The following ADCY10 variants were observed in gnomAD, a reference collection of about 807,000 sequenced individuals.
The protein encoded by ADCY10 is adenylate cyclase 10.
In ADCY10, 156 loss-of-function variants were observed where a neutral mutation model predicts 183.3. The observed-to-expected ratio is 0.85, with a 90% confidence interval of 0.75 to 0.97. The LOEUF is 0.97. ADCY10 is among the 50% of genes least tolerant of loss of function. The probability of loss-of-function intolerance (pLI) is 0.00; values close to 1 mark genes in which losing one functional copy is unlikely to be tolerated. For synonymous variants in ADCY10, 645 were observed against 670.0 expected, an observed-to-expected ratio of 0.96 and a Z score of 0.58; for missense variants, 1,745 against 1,934.3, an observed-to-expected ratio of 0.90 and a Z score of 1.84.
At position 167,833,254 on chromosome 1, in the gene ADCY10, T is replaced by A; in HGVS notation, c.3418-92A>T. ...CCAACAATCCATATTTTGGGGATTC[T>A]TATCAAAAAAGGTAATTTATGGACC... is the stretch of plus-strand genomic sequence containing the variant. On this transcript the variant is annotated intron_variant, in intron 24 of 32. Coordinates refer to ENST00000367851, the MANE Select transcript of ADCY10 (RefSeq NM_018417.6). 1.1e-5 allele frequency: 14 copies of A among 1,272,020 alleles called. No individual in the cohort carries two copies. The South Asian group carries it at 1.7e-4, about 16-fold the overall frequency. The allele number at this position is 1,272,020 out of a possible 1,614,324, so 78.8% of individuals were successfully genotyped here. A position where few individuals can be genotyped will look rare whatever the true frequency, so the allele number is the denominator to read the frequency against.
intron 8 of ADCY10, among the ~76,000 whole-genome samples, chr1:167,886,515 A>T (rs1336646627): frequency 4.6e-5 from 7 of 152,212 alleles, no homozygotes; most frequent in African/African-American, 1.7e-4. Flanking sequence ...CTGAAACTGG[A>T]TCCCTTCCTT....
In ADCY10 at chr1:167,818,224, TG is replaced by T; in HGVS notation, c.4329del (p.Asn1444IlefsTer12). 6.2e-7 allele frequency: 1 copy of T among 1,614,200 alleles called. No homozygotes were observed. The highest frequency in any genetic ancestry group is 8.5e-7 in the Non-Finnish European group (1 of 1,180,030). ...LQEWDNFYKF[S>X]NRAKNLLPRR... is the part of the protein sequence containing the mutation. ...CTTGGCAAAAGATTTTTAGCTCTATTGGAAAATTTGTAAAAGTTGTCCCATT... is the reference window on the plus strand; with the variant it reads ...CTTGGCAAAAGATTTTTAGCTCTATTGAAAATTTGTAAAAGTTGTCCCATT... On this transcript the variant is annotated frameshift_variant, in exon 31 of 33. Transcript: ENST00000367851. LOFTEE classifies it high-confidence loss of function.
At chr1:167,832,954 A>G (rs748308557) in intron 25 of ADCY10, 33 bp downstream of exon 25, 15 of 1,607,760 alleles carry the variant, frequency 9.3e-6, no homozygotes, top group African/African-American at 2.7e-5. Context: ...GAGTGAGACT[A>G]AACAGTCTGC....
chr1:167,899,737 C>A, intron 5 of ADCY10, 109 bp from the exon 6 acceptor site: 1 of 993,948 alleles, frequency 1.0e-6, no homozygotes, highest in Non-Finnish European at 1.5e-6. Flanking sequence ...TATCTCAGAG[C>A]AAAATCTCAC....
intron 12 of ADCY10, among the ~76,000 whole-genome samples, chr1:167,876,197 C>T (rs770330837): frequency 4.7e-5 from 7 of 148,398 alleles, no homozygotes; most frequent in Non-Finnish European, 7.4e-5. Flanking sequence ...ACAGAGGTTG[C>T]AGTGAGCCAA....
chr1:167,831,562 T>A (rs943358848), intron 25 of ADCY10, among the ~76,000 whole-genome samples: 3 of 152,212 alleles, frequency 2.0e-5, no homozygotes, highest in Non-Finnish European at 2.9e-5. Flanking sequence ...TTGTTCCATG[T>A]CATACTCATT....
intron 14 of ADCY10, among the ~76,000 whole-genome samples, chr1:167,864,223 G>A (rs1398957939): frequency 6.6e-6 from 1 of 152,188 alleles, no homozygotes; most frequent in Non-Finnish European, 1.5e-5. Flanking sequence ...TGCATGTGGT[G>A]TGAGAGTGGT....
chr1:167,878,568 G>T lies in ADCY10; in HGVS notation c.1284C>A (p.Asp428Glu). The T allele has an allele frequency of 1.2e-6, 2 of 1,614,170 alleles. No individual in the cohort carries two copies. The highest frequency in any genetic ancestry group is 8.5e-7 in the Non-Finnish European group (1 of 1,180,032). ...GGTTGCTCCCATTGTAGGTGACAGA[G>T]TCGCAGGTCACAATTCCTGGGTAGT... ...MMYYPGIVTCDSVTYNGSNLP... is the reference protein window; with the variant it reads ...MMYYPGIVTCESVTYNGSNLP... Residue 428 changes from aspartate to glutamate, a missense_variant, in exon 12 of 33, where the codon GAC (aspartate) becomes GAA (glutamate). Asp to Glu is a conservative substitution (Grantham distance 45). Coordinates refer to ENST00000367851, the MANE Select transcript of ADCY10 (RefSeq NM_018417.6).
intron 22 of ADCY10, 121 bp from the exon 23 acceptor site, chr1:167,836,661 T>A: frequency 2.8e-6 from 2 of 708,274 alleles, no homozygotes; most frequent in Non-Finnish European, 4.9e-6. Context: ...AGGCCGAAGC[T>A]GGTGGATCAT....
chr1:167,882,510 G>C lies in ADCY10; in HGVS notation c.1020+927C>G, dbSNP rs1667939879. On this transcript the variant is annotated intron_variant, in intron 9 of 32. Coordinates refer to ENST00000367851, the MANE Select transcript of ADCY10 (RefSeq NM_018417.6). ...AAAAAAAAAAAAAAAAAAAAGAACA[G>C]AGCGAAAACACCTGGGAGCCAGAGG... Among the ~76,000 whole-genome samples the C allele has an allele frequency of 3.5e-5, 5 of 141,210 alleles. No homozygotes were observed. The South Asian group carries it at 1.1e-3, about 31-fold the overall frequency. The allele number at this position is 141,210 out of a possible 152,430, so 92.6% of individuals were successfully genotyped here.
At chr1:167,880,037 G>A (rs1667757330) in intron 11 of ADCY10, 78 bp downstream of exon 11, 1 of 1,253,186 alleles carries the variant, frequency 8.0e-7, no homozygotes, top group African/African-American at 1.5e-5. Context: ...ACTCATTTTT[G>A]TGCTTCCTCC....
intron 23 of ADCY10, among the ~76,000 whole-genome samples, chr1:167,835,098 C>T (rs769849569): frequency 8.5e-5 from 13 of 152,126 alleles, no homozygotes; most frequent in Non-Finnish European, 1.9e-4. Flanking sequence ...CCAGTAGCAA[C>T]TGTAAATTAT....
At chr1:167,857,551 T>C (rs1665996816) in intron 16 of ADCY10, among the ~76,000 whole-genome samples, 1 of 152,202 alleles carries the variant, frequency 6.6e-6, no homozygotes, top group South Asian at 2.1e-4. Flanking sequence ...CAAAAAATCA[T>C]GAATTCAATA....
intron 5 of ADCY10, among the ~76,000 whole-genome samples, chr1:167,900,471 T>TA (rs1669326097): frequency 2.6e-5 from 4 of 152,002 alleles, no homozygotes; most frequent in Non-Finnish European, 4.4e-5. Context: ...GGGTACTAAC[T>TA]TAGAAAAAAT....
intron 26 of ADCY10, among the ~76,000 whole-genome samples, chr1:167,827,258 C>G (rs1473863771): frequency 6.6e-6 from 1 of 151,806 alleles, no homozygotes; most frequent in Admixed American, 6.6e-5. Flanking sequence ...AGCTCCACCT[C>G]CTGGGTTCAC....
intron 18 of ADCY10, 146 bp from the exon 19 acceptor site, chr1:167,848,635 TTTTG>T: frequency 3.5e-6 from 3 of 856,244 alleles, no homozygotes; most frequent in Non-Finnish European, 5.3e-6. Context: ...GAAACCTTTT[TTTTG>T]TTTTGTTTTG....
intron 31 of ADCY10, among the ~76,000 whole-genome samples, chr1:167,813,976 AAT>A (rs1393064930): frequency 1.3e-5 from 2 of 152,126 alleles, no homozygotes; most frequent in Non-Finnish European, 2.9e-5. Context: ...ATAGCTATAG[AAT>A]ATATACAAAA....
At chr1:167,847,091 A>G (rs772226048) in intron 19 of ADCY10, among the ~76,000 whole-genome samples, 1 of 151,830 alleles carries the variant, frequency 6.6e-6, no homozygotes, top group Non-Finnish European at 1.5e-5. Flanking sequence ...ATGCCCGGCT[A>G]ATTTTTTGTG....
rs1662643993 is a variant in ADCY10 at position 167,818,143 on chromosome 1, C to T, written c.4411G>A (p.Val1471Ile). The change falls in exon 31 of 33, where the codon GTT becomes ATT. Residue 1471 changes from valine to isoleucine, a missense_variant. Coordinates refer to ENST00000367851, the MANE Select transcript of ADCY10 (RefSeq NM_018417.6). The part of the protein sequence containing the change: ...DGISRYMEGQ[V>I]LHLQKQIKEQ... ...TTGATTTGTTTTTGAAGGTGAAGAACTTGCCCCTCCATGTACCTAGATATT... is the reference window on the plus strand; with the variant it reads ...TTGATTTGTTTTTGAAGGTGAAGAATTTGCCCCTCCATGTACCTAGATATT... 1 of 1,614,214 alleles carries T rather than the reference C, an allele frequency of 6.2e-7. No individual in the cohort carries two copies.
Sources: allele counts gnomAD v4.1 joint callset (sites outside exome capture counted in the v4.1 genomes callset), GRCh38; gene constraint gnomAD v4.1.1; transcripts MANE v1.5; gene names NCBI Gene and HGNC (gene_info 2026-07-23, HGNC 2026-07-21).